PDCL: variants seen among roughly 807,000 people sequenced by gnomAD.
PDCL encodes phosducin like.
Under a neutral mutation model 26.7 loss-of-function variants are expected in PDCL, and 11 were observed. That is an observed-to-expected ratio of 0.41 (90% CI 0.26 to 0.68). The LOEUF is 0.68. PDCL is among the 30% of genes least tolerant of loss of function. The pLI is 0.30. For synonymous variants in PDCL, 118 were observed against 134.9 expected, an observed-to-expected ratio of 0.87 and a Z score of 0.87; for missense variants, 330 against 371.6, an observed-to-expected ratio of 0.89 and a Z score of 0.92.
At chr9:122,825,399 C>T (rs1280138443) in intron 2 of PDCL, among the ~76,000 whole-genome samples, 1 of 152,090 alleles carries the variant, frequency 6.6e-6, no homozygotes, top group African/African-American at 2.4e-5. Flanking sequence ...TGAGCTCAGG[C>T]AGTCCACCCG....
chr9:122,820,333 A>G lies in PDCL; in HGVS notation c.658T>C (p.Ser220Pro). The G allele has an allele frequency of 6.2e-7, 1 of 1,614,190 alleles. No individual in the cohort carries two copies. The highest frequency in any genetic ancestry group is 8.5e-7 in the Non-Finnish European group (1 of 1,180,028). ...AACTGACTGCTGGCGCCAATAACTG[A>G]GCTCTTCACCTTGCAGAACTTGACA... The part of the protein sequence containing the change: ...PAVKFCKVKS[S>P]VIGASSQFTR... Residue 220 changes from serine (S) to proline (P), a missense_variant, in exon 4 of 4, where the codon TCA becomes CCA. Physicochemically the swap from Ser to Pro is moderately conservative, Grantham distance 74. Coordinates refer to ENST00000259467, the MANE Select transcript of PDCL (RefSeq NM_005388.5).
chr9:122,826,796 G>C lies in PDCL; in HGVS notation c.-5-4C>G. On this transcript the variant is annotated splice_region_variant and splice_polypyrimidine_tract_variant and intron_variant, in intron 1 of 3. Coordinates refer to ENST00000259467, the MANE Select transcript of PDCL (RefSeq NM_005388.5). ...TCATCAAGGGTGGTCATGGTGTCTG[G>C]AAAAAGAAAGCATATCAGGTTCTTT... 7 of 1,613,204 alleles carry C rather than the reference G, an allele frequency of 4.3e-6. No homozygotes were observed. Among genetic ancestry groups the C allele is most frequent in the Non-Finnish European group, 5.9e-6 (7 of 1,179,536 alleles).
intron 2 of PDCL, among the ~76,000 whole-genome samples, chr9:122,826,070 C>T (rs1263168311): frequency 6.6e-6 from 1 of 151,958 alleles, no homozygotes; most frequent in African/African-American, 2.4e-5. Flanking sequence ...CCAGCCTGAG[C>T]AACAAGGTGA....
chr9:122,821,338 T>A (rs1036963324), intron 3 of PDCL, among the ~76,000 whole-genome samples: 1 of 151,672 alleles, frequency 6.6e-6, no homozygotes, highest in African/African-American at 2.4e-5. Flanking sequence ...TTTATCTACT[T>A]TTTTTTTGAA....
At chr9:122,820,661 A>G in intron 3 of PDCL, 25 bp from the exon 4 acceptor site, 1 of 1,573,168 alleles carries the variant, frequency 6.4e-7, no homozygotes. Context: ...GCAAGTGAGC[A>G]TAAATATGAA....
intron 1 of PDCL, among the ~76,000 whole-genome samples, chr9:122,827,922 C>G (rs1052264821): frequency 6.6e-6 from 1 of 152,084 alleles, no homozygotes; most frequent in East Asian, 1.9e-4. Flanking sequence ...TCCCACCGGG[C>G]AAGGAGTTCT....
chr9:122,820,993 G>C (rs940855972), intron 3 of PDCL, among the ~76,000 whole-genome samples: 3 of 151,392 alleles, frequency 2.0e-5, no homozygotes, highest in African/African-American at 4.9e-5. Context: ...GTGATACCCT[G>C]TCTCCAAAAA....
intron 2 of PDCL, among the ~76,000 whole-genome samples, chr9:122,825,316 C>T (rs1329482615): frequency 1.3e-5 from 2 of 152,002 alleles, no homozygotes; most frequent in Non-Finnish European, 1.5e-5. Context: ...CGCATGCCCC[C>T]ACACCTGGCT....
chr9:122,822,927 C>T (rs2131362526), intron 3 of PDCL, 89 bp downstream of exon 3: 1 of 1,210,552 alleles, frequency 8.3e-7, no homozygotes, highest in East Asian at 2.3e-5. Context: ...TCTTGGAGGT[C>T]AAATCAAGCA....
At chr9:122,820,765 C>A in intron 3 of PDCL, 129 bp from the exon 4 acceptor site, 1 of 656,488 alleles carries the variant, frequency 1.5e-6, no homozygotes. Flanking sequence ...GAGCGGATCA[C>A]TTGAGGTCAG....
At position 122,827,645 on chromosome 9, in the gene PDCL, T is replaced by G. The variant is rs575982243; in HGVS notation, c.-6+826A>C. ...TACTCAGGAGGCTGAGGCACGAGAA[T>G]CTCTTGAATCCGGGAGGCGGAGGTT... is the stretch of plus-strand genomic sequence containing the variant. On this transcript the variant is annotated intron_variant, in intron 1 of 3. Coordinates refer to ENST00000259467, the MANE Select transcript of PDCL (RefSeq NM_005388.5). 7.2e-5 allele frequency among the ~76,000 whole-genome samples: 11 copies of G among 152,076 alleles called. No homozygotes were observed. In the South Asian group the frequency reaches 1.0e-3, roughly 14 times the overall value.
At chr9:122,822,652 T>TA (rs1250029015) in intron 3 of PDCL, among the ~76,000 whole-genome samples, 1 of 152,110 alleles carries the variant, frequency 6.6e-6, no homozygotes, top group Non-Finnish European at 1.5e-5. Context: ...ACCACCACCC[T>TA]AAGAGGGTTA....
Position 122,826,604 on chromosome 9 carries a change from G to C in PDCL, c.172+12C>G. 1 of 1,610,206 alleles carries C rather than the reference G, an allele frequency of 6.2e-7. No individual in the cohort carries two copies. Among genetic ancestry groups the C allele is most frequent in the Admixed American group, 1.7e-5 (1 of 59,442 alleles). ...TTTAAGCCTGTTCCCAGAGCCCAGG[G>C]TTTCTCAGTACCTGTGTTAACTGAG... On this transcript the variant is annotated intron_variant, in intron 2 of 3. Coordinates refer to ENST00000259467, the MANE Select transcript of PDCL (RefSeq NM_005388.5).
At chr9:122,827,878 G>T (rs895774417) in intron 1 of PDCL, among the ~76,000 whole-genome samples, 2 of 152,038 alleles carry the variant, frequency 1.3e-5, no homozygotes, top group Non-Finnish European at 2.9e-5. Flanking sequence ...ACTTATCACC[G>T]GGCCTATCAT....
At chr9:122,821,870 C>T (rs910700729) in intron 3 of PDCL, among the ~76,000 whole-genome samples, 8 of 152,222 alleles carry the variant, frequency 5.3e-5, no homozygotes, top group African/African-American at 1.7e-4. Flanking sequence ...AAACCTAACT[C>T]TGCCTAATGT....
intron 2 of PDCL, among the ~76,000 whole-genome samples, chr9:122,824,706 CA>C (rs1463691625): frequency 6.6e-6 from 1 of 152,222 alleles, no homozygotes; most frequent in Non-Finnish European, 1.5e-5. Context: ...CTCAACATCA[CA>C]AAAGTGCCAA....
At position 122,820,615 on chromosome 9, in the gene PDCL, T is replaced by A. The variant is rs760284998; in HGVS notation, c.376A>T (p.Ile126Leu). The change falls in exon 4 of 4, where the codon ATA becomes TTA. Residue 126 changes from isoleucine to leucine, a missense_variant. Coordinates refer to ENST00000259467, the MANE Select transcript of PDCL (RefSeq NM_005388.5). The stretch of plus-strand genomic sequence containing the variant: ...TCATCATCTTGGTCCTCATTCATTA[T>A]GGCAAACTCCTTCAGAGTCATCTGC... Reference protein sequence around the residue: ...SGKMTLKEFAIMNEDQDDEEF... With the variant: ...SGKMTLKEFALMNEDQDDEEF... The A allele has an allele frequency of 1.2e-6, 2 of 1,611,054 alleles. No homozygotes were observed. The highest frequency in any genetic ancestry group is 1.7e-5 in the Admixed American group (1 of 59,494).
At chr9:122,827,549 T>C (rs970253187) in intron 1 of PDCL, among the ~76,000 whole-genome samples, 1 of 152,052 alleles carries the variant, frequency 6.6e-6, no homozygotes, top group East Asian at 1.9e-4. Context: ...CTCTTGTCTC[T>C]ACTAGTAAAA....
At chr9:122,825,833 G>A (rs1829617824) in intron 2 of PDCL, among the ~76,000 whole-genome samples, 1 of 152,218 alleles carries the variant, frequency 6.6e-6, no homozygotes, top group South Asian at 2.1e-4. Context: ...TGAGGCAGAT[G>A]ATCGCTTGAG....
Sources: gnomAD v4.1 joint callset for allele counts (sites outside exome capture counted in the v4.1 genomes callset) on GRCh38, gnomAD v4.1.1 for gene constraint, MANE v1.5 for transcripts, NCBI Gene and HGNC (gene_info 2026-07-23, HGNC 2026-07-21) for gene names.